Variants in PDE12 observed in about 807,000 individuals in gnomAD.
The protein encoded by PDE12 is phosphodiesterase 12, also known as 2',5'-phosphodiesterase 12.
A neutral mutation model predicts 45.4 loss-of-function variants in PDE12; 26 were observed. That is an observed-to-expected ratio of 0.57 (90% CI 0.42 to 0.79). PDE12 has a LOEUF of 0.79. Ranked by LOEUF, PDE12 falls within the 30% of genes least tolerant of loss-of-function variation. PDE12 has a pLI of 0.00. For synonymous variants in PDE12, 283 were observed against 323.9 expected (o/e 0.87, Z 1.36); for missense variants, 668 against 790.0 (o/e 0.85, Z 1.85).
chr3:57,585,611 A>T, the PDE12 span, among the ~76,000 whole-genome samples: 1 of 152,140 alleles, frequency 6.6e-6, no homozygotes, highest in African/African-American at 2.4e-5. Context: ...AACTTAAAGT[A>T]TAATAATAAA....
At position 57,562,896 on chromosome 3, in the gene PDE12, T is replaced by C. The variant is rs921402223; in HGVS notation, c.*2892T>C. 2.6e-5 allele frequency: 4 copies of C among 152,192 alleles called. No individual in the cohort carries two copies. Among genetic ancestry groups the C allele is most frequent in the African/African-American group, 9.7e-5 (4 of 41,440 alleles). 9.4% of individuals were successfully genotyped at this position (152,192 alleles called of 1,614,324 possible). Reference sequence around the variant, plus strand: ...ACTGAGTAGTGATTTTTCTGAGTACTAAGCTATGATCTCATCAGAATGTGC... The same window carrying C: ...ACTGAGTAGTGATTTTTCTGAGTACCAAGCTATGATCTCATCAGAATGTGC... On this transcript the variant is annotated 3_prime_UTR_variant, in exon 3 of 3. Transcript: ENST00000311180.
At chr3:57,616,304 A>G in the PDE12 span, among the ~76,000 whole-genome samples, 1 of 152,070 alleles carries the variant, frequency 6.6e-6, no homozygotes, top group Non-Finnish European at 1.5e-5. Flanking sequence ...CCTGGGCTAC[A>G]AAGTGACACC....
the PDE12 span, among the ~76,000 whole-genome samples, chr3:57,653,577 T>G: frequency 6.6e-6 from 1 of 151,838 alleles, no homozygotes; most frequent in Non-Finnish European, 1.5e-5. Flanking sequence ...AAACCCCGTC[T>G]CTACTAAAAA....
At chr3:57,598,198 G>A in the PDE12 span, 1 of 152,018 alleles carries the variant, frequency 6.6e-6, no homozygotes, top group African/African-American at 2.4e-5. Context: ...CGCCCGGCCT[G>A]CTACACCTTT....
At chr3:57,572,967 C>T in the PDE12 span, among the ~76,000 whole-genome samples, 1 of 152,084 alleles carries the variant, frequency 6.6e-6, no homozygotes, top group Non-Finnish European at 1.5e-5. Context: ...CTTTGGGAGG[C>T]TGAGGCGGAT....
At chr3:57,652,141 C>T in the PDE12 span, among the ~76,000 whole-genome samples, 4 of 152,206 alleles carry the variant, frequency 2.6e-5, no homozygotes, top group Admixed American at 6.5e-5. Flanking sequence ...TTCTTGAGCG[C>T]GGACTGGATT....
At chr3:57,594,833 C>T in the PDE12 span, among the ~76,000 whole-genome samples, 2 of 152,206 alleles carry the variant, frequency 1.3e-5, no homozygotes, top group African/African-American at 4.8e-5. Flanking sequence ...CTGTCAGTCA[C>T]TCATAAAGCC....
the PDE12 span, chr3:57,641,697 T>A: frequency 3.1e-6 from 5 of 1,613,512 alleles, no homozygotes; most frequent in Non-Finnish European, 4.2e-6. Flanking sequence ...TGGCCAGTGC[T>A]GGAGTGTCTT....
the PDE12 span, among the ~76,000 whole-genome samples, chr3:57,590,924 T>A: frequency 6.6e-6 from 1 of 152,228 alleles, no homozygotes. Flanking sequence ...AATAATAATT[T>A]AAAATTGAAT....
chr3:57,630,716 G>C, the PDE12 span: 3 of 1,611,400 alleles, frequency 1.9e-6, no homozygotes, highest in Non-Finnish European at 2.5e-6. Flanking sequence ...AAGACTAACC[G>C]GTAAAGTCCA....
the PDE12 span, among the ~76,000 whole-genome samples, chr3:57,601,354 C>T: frequency 6.6e-6 from 1 of 152,026 alleles, no homozygotes; most frequent in Non-Finnish European, 1.5e-5. Context: ...GGTGGTCCAC[C>T]CACCTCGGCC....
Position 57,556,372 on chromosome 3 carries a change from C to T in PDE12, c.-8C>T, listed in dbSNP as rs762658165. ...GCGGGTCTTGTCGACCGCTAGGCCA[C>T]CAGGTTCATGTGGAGGCTCCCAGGC... On this transcript the variant is annotated 5_prime_UTR_variant, in exon 1 of 3. Transcript: ENST00000311180. This position sits in a 1 kb window ranked among gnomAD's most constrained non-coding sequence, Gnocchi z 5.0. The T allele has an allele frequency of 8.3e-6, 13 of 1,557,650 alleles. No individual in the cohort carries two copies. The highest frequency in any genetic ancestry group is 1.1e-5 in the Non-Finnish European group (13 of 1,151,674).
the PDE12 span, among the ~76,000 whole-genome samples, chr3:57,594,382 C>G: frequency 6.6e-6 from 1 of 152,220 alleles, no homozygotes; most frequent in African/African-American, 2.4e-5. Context: ...GCCACCACAC[C>G]TGGCCAGAAG....
At chr3:57,647,220 A>C in the PDE12 span, among the ~76,000 whole-genome samples, 1 of 152,374 alleles carries the variant, frequency 6.6e-6, no homozygotes, top group East Asian at 1.9e-4. Flanking sequence ...AAAAATATGC[A>C]ACAAATTATG....
the PDE12 span, among the ~76,000 whole-genome samples, chr3:57,603,767 C>T: frequency 2.0e-5 from 3 of 151,996 alleles, no homozygotes; most frequent in Non-Finnish European, 4.4e-5. Flanking sequence ...GGATTACAGG[C>T]ATGCACCACC....
chr3:57,603,810 TG>T, the PDE12 span, among the ~76,000 whole-genome samples: 1 of 151,862 alleles, frequency 6.6e-6, no homozygotes, highest in Non-Finnish European at 1.5e-5. Context: ...TTAGTAGAGA[TG>T]GGTTTTCTCC....
At chr3:57,584,189 C>T in the PDE12 span, 1 of 706,696 alleles carries the variant, frequency 1.4e-6, no homozygotes, top group Non-Finnish European at 2.4e-6. Flanking sequence ...TCTTGAACTC[C>T]TGGGCTCAAG....
At chr3:57,649,392 T>G in the PDE12 span, among the ~76,000 whole-genome samples, 1 of 152,040 alleles carries the variant, frequency 6.6e-6, no homozygotes, top group Non-Finnish European at 1.5e-5. Context: ...GGGAATACTT[T>G]TACACTGTTG....
At chr3:57,601,788 A>G in the PDE12 span, among the ~76,000 whole-genome samples, 1,476 of 128,026 alleles carry the variant, frequency 0.012, 15 homozygotes, top group African/African-American at 0.042. Context: ...TGTGTCACCC[A>G]GGCTGGAGTG....
Sources: allele counts gnomAD v4.1 joint callset (sites outside exome capture counted in the v4.1 genomes callset), GRCh38; gene constraint gnomAD v4.1.1; non-coding constraint Gnocchi (gnomAD v3.1); transcripts MANE v1.5; gene names NCBI Gene and HGNC (gene_info 2026-07-23, HGNC 2026-07-21).